AFF2: variants seen among roughly 807,000 people sequenced by gnomAD.
AFF2 encodes AF4/FMR2 family member 2.
In AFF2, 14 loss-of-function variants were observed where a neutral mutation model predicts 76.9. The ratio of observed to expected loss-of-function variants is 0.18; its 90% CI spans 0.12 to 0.28. AFF2 has a LOEUF of 0.28. Ranked by LOEUF, AFF2 falls within the 10% of genes least tolerant of loss-of-function variation. AFF2 has a pLI of 1.00. For missense variants in AFF2, 868 were observed against 1,001.1 expected, an observed-to-expected ratio of 0.87 and a Z score of 1.79; for synonymous variants, 398 against 366.7, an observed-to-expected ratio of 1.09 and a Z score of -0.98.
At chrX:148,531,219 A>G (rs1557235840) in intron 1 of AFF2, among the ~76,000 whole-genome samples, 1 of 111,808 alleles carries the variant, frequency 8.9e-6, no homozygotes, top group Admixed American at 9.5e-5. Flanking sequence ...AAAGCACTGT[A>G]TTTGCCAGGA....
At chrX:148,618,100 T>A (rs2053831644) in intron 1 of AFF2, among the ~76,000 whole-genome samples, 1 of 111,818 alleles carries the variant, frequency 8.9e-6, no homozygotes, top group East Asian at 2.8e-4. Flanking sequence ...AGATGAAAGT[T>A]ATTTATAACC....
At chrX:148,585,495 C>G (rs1474466678) in intron 1 of AFF2, among the ~76,000 whole-genome samples, 4 of 111,641 alleles carry the variant, frequency 3.6e-5, no homozygotes, top group African/African-American at 1.3e-4. Context: ...TACACATTTG[C>G]TATTTATCAT....
At chrX:148,947,920 T>G (rs1171280960) in intron 9 of AFF2, among the ~76,000 whole-genome samples, 1 of 112,519 alleles carries the variant, frequency 8.9e-6, no homozygotes, top group Non-Finnish European at 1.9e-5. Context: ...GAGGAGAGTT[T>G]CATGTAGGAC....
intron 1 of AFF2, among the ~76,000 whole-genome samples, chrX:148,503,575 A>G (rs2052376599): frequency 8.9e-6 from 1 of 112,431 alleles, no homozygotes; most frequent in Non-Finnish European, 1.9e-5. Context: ...CTGACAATAA[A>G]TGGATCAGGA....
At chrX:148,721,763 A>C (rs2055095879) in intron 3 of AFF2, among the ~76,000 whole-genome samples, 1 of 112,383 alleles carries the variant, frequency 8.9e-6, no homozygotes. Context: ...CGGTGATGGC[A>C]GGGCCATGGT....
intron 3 of AFF2, among the ~76,000 whole-genome samples, chrX:148,791,157 C>G (rs1339236038): frequency 8.9e-6 from 1 of 112,159 alleles, no homozygotes; most frequent in Non-Finnish European, 1.9e-5. Flanking sequence ...ACTAAAGTTG[C>G]TATATTAGTC....
chrX:148,953,381 A>G (rs2071992282), intron 9 of AFF2, among the ~76,000 whole-genome samples, 199 bp from the exon 10 acceptor site: 1 of 111,606 alleles, frequency 9.0e-6, no homozygotes, highest in South Asian at 3.7e-4. Context: ...GCATACACAT[A>G]GGCCTGGTTC....
intron 3 of AFF2, among the ~76,000 whole-genome samples, chrX:148,772,033 A>C (rs1411264485): frequency 8.9e-6 from 1 of 111,812 alleles, no homozygotes; most frequent in East Asian, 2.8e-4. Flanking sequence ...TATTGGCCCT[A>C]CAAATGTGTT....
chrX:148,663,741 G>A (rs1557258138), intron 3 of AFF2, among the ~76,000 whole-genome samples: 1 of 111,864 alleles, frequency 8.9e-6, no homozygotes, highest in African/African-American at 3.3e-5. Flanking sequence ...CTCAATAGGA[G>A]TGACAGGCAG....
At chrX:148,812,961 T>C (rs1266007469) in intron 4 of AFF2, among the ~76,000 whole-genome samples, 1 of 112,101 alleles carries the variant, frequency 8.9e-6, no homozygotes, top group African/African-American at 3.2e-5. Flanking sequence ...GAGCCCACCT[T>C]GTCTGGTCTT....
intron 1 of AFF2, 105 bp downstream of exon 1, chrX:148,501,249 C>G (rs1186158212): frequency 6.9e-6 from 7 of 1,017,457 alleles, no homozygotes; most frequent in Non-Finnish European, 8.1e-6. Context: ...GGGGGCGCCC[C>G]GGACTCCCTC....
At chrX:148,664,288 C>T (rs241110) in intron 3 of AFF2, among the ~76,000 whole-genome samples, 20,820 of 111,484 alleles carry the variant, frequency 0.19, 1,419 homozygotes, top group Non-Finnish European at 0.2. Flanking sequence ...CTTTTTTGGC[C>T]ACATATTTCA....
intron 3 of AFF2, among the ~76,000 whole-genome samples, chrX:148,667,775 A>T (rs1557258628): frequency 8.9e-6 from 1 of 111,761 alleles, no homozygotes; most frequent in Non-Finnish European, 1.9e-5. Flanking sequence ...CATGGGAATT[A>T]TGGGAGTTAC....
chrX:148,747,574 C>T (rs2055436192), intron 3 of AFF2, among the ~76,000 whole-genome samples: 1 of 111,540 alleles, frequency 9.0e-6, no homozygotes, highest in African/African-American at 3.3e-5. Context: ...AAATAATCTG[C>T]CTGGGACTGT....
intron 1 of AFF2, among the ~76,000 whole-genome samples, chrX:148,539,632 C>G (rs1013698970): frequency 9.0e-6 from 1 of 110,924 alleles, no homozygotes; most frequent in Non-Finnish European, 1.9e-5. Context: ...CTTCCCTTTC[C>G]CCACCCAACA....
At chrX:148,699,410 G>A (rs1232333374) in intron 3 of AFF2, among the ~76,000 whole-genome samples, 4 of 111,782 alleles carry the variant, frequency 3.6e-5, no homozygotes, top group South Asian at 3.8e-4. Flanking sequence ...AAGCTGCTAC[G>A]ATAATGACAA....
chrX:148,748,945 A>G (rs2055460785), intron 3 of AFF2, among the ~76,000 whole-genome samples: 1 of 111,812 alleles, frequency 8.9e-6, no homozygotes, highest in East Asian at 2.8e-4. Flanking sequence ...TCTCACATAC[A>G]TTTTTAATGG....
chrX:148,515,072 G>A (rs1050451641), intron 1 of AFF2, among the ~76,000 whole-genome samples: 1 of 111,429 alleles, frequency 9.0e-6, no homozygotes, highest in African/African-American at 3.3e-5. Context: ...TGAGGAGACT[G>A]GACAGAATGA....
rs193221271 is a variant in AFF2 at position 148,698,540 on chromosome X, A to G, written c.1041+35772A>G. Among the ~76,000 whole-genome samples the G allele has an allele frequency of 4.3e-3, 488 of 112,690 alleles. 2 individuals are homozygous for G. Among genetic ancestry groups the G allele is most frequent in the African/African-American group, 0.014 (439 of 31,083 alleles). On this transcript the variant is annotated intron_variant, in intron 3 of 20. Coordinates refer to ENST00000370460, the MANE Select transcript of AFF2 (RefSeq NM_002025.4). Reference sequence around the variant, plus strand: ...AATATGAAGGTGATAAGACCTAAATAAAAACCCTATTTATCTACTATGAAA... The same window carrying G: ...AATATGAAGGTGATAAGACCTAAATGAAAACCCTATTTATCTACTATGAAA...
Sources: allele counts gnomAD v4.1 joint callset (sites outside exome capture counted in the v4.1 genomes callset), GRCh38; gene constraint gnomAD v4.1.1; transcripts MANE v1.5; gene names NCBI Gene and HGNC (gene_info 2026-07-23, HGNC 2026-07-21).